Variants in CDC42BPB observed in about 807,000 individuals in gnomAD.
The protein encoded by CDC42BPB is serine/threonine-protein kinase MRCK beta.
A neutral mutation model predicts 214.9 loss-of-function variants in CDC42BPB; 37 were observed. The observed-to-expected ratio is 0.17, with a 90% CI of 0.13 to 0.23. CDC42BPB has a LOEUF of 0.23. CDC42BPB is among the 10% of genes least tolerant of loss of function. The probability of loss-of-function intolerance (pLI) is 1.00; values close to 1 mark genes in which losing one functional copy is unlikely to be tolerated. For synonymous variants in CDC42BPB, 931 were observed against 884.0 expected (o/e 1.05, Z -0.94); for missense variants, 1,694 against 2,227.0 (o/e 0.76, Z 4.82).
At chr14:102,962,248 A>C (rs924630605) in intron 20 of CDC42BPB, among the ~76,000 whole-genome samples, 19 of 152,242 alleles carry the variant, frequency 1.2e-4, no homozygotes, top group Admixed American at 1.2e-3. Flanking sequence ...GTCCGTCAGC[A>C]TGCAGCAAGA....
intron 4 of CDC42BPB, among the ~76,000 whole-genome samples, chr14:103,002,547 C>G (rs898222954): frequency 2.6e-5 from 4 of 152,202 alleles, no homozygotes; most frequent in Non-Finnish European, 5.9e-5. Context: ...CAGTTCTTAT[C>G]GAAAGTGGAA....
chr14:102,947,669 C>T (rs1285475749), intron 27 of CDC42BPB, 52 bp downstream of exon 27: 2 of 1,459,346 alleles, frequency 1.4e-6, no homozygotes, highest in African/African-American at 1.4e-5. Flanking sequence ...ATGCCTAGAA[C>T]AATCAGTTTT....
Position 102,944,102 on chromosome 14 carries a change from G to A in CDC42BPB, c.4197C>T (p.Ile1399=). 6.2e-7 allele frequency: 1 copy of A among 1,613,400 alleles called. No homozygotes were observed. Among genetic ancestry groups the A allele is most frequent in the Non-Finnish European group, 8.5e-7 (1 of 1,180,012 alleles). ...GGTTTAGAGGCTGCCCGTCCCCCTG[G>A]ATGCTCAGCAGGCAGAACCCAGAAG... is the stretch of plus-strand genomic sequence containing the variant. ...GYPSGFCLLS[I]QGDGQPLNLV... is the part of the protein sequence containing the mutation. Residue 1399 remains isoleucine (I), a synonymous_variant, in exon 30 of 37, where the codon ATC becomes ATT. Transcript: ENST00000361246. The surrounding 1 kb of genome is among the most constrained non-coding windows in gnomAD (Gnocchi z 6.6).
At chr14:102,966,600 C>T (rs776499305) in intron 17 of CDC42BPB, 11 of 756,414 alleles carry the variant, frequency 1.5e-5, no homozygotes, top group Admixed American at 6.3e-5. Context: ...ACCAAACTTC[C>T]AAGACTCAAG....
intron 1 of CDC42BPB, among the ~76,000 whole-genome samples, chr14:103,043,565 G>C (rs1888127218): frequency 6.6e-6 from 1 of 152,136 alleles, no homozygotes; most frequent in African/African-American, 2.4e-5. Context: ...TCCTTTGGCG[G>C]TGATGGCGAA....
At chr14:103,056,954 G>C (rs970711116) in intron 1 of CDC42BPB, 45 bp downstream of exon 1, 2 of 1,283,174 alleles carry the variant, frequency 1.6e-6, no homozygotes, top group African/African-American at 3.1e-5. Flanking sequence ...GCTGGGGCGC[G>C]GGGGTCGCAG....
Position 102,968,300 on chromosome 14 carries a change from C to T in CDC42BPB, c.2299G>A (p.Ala767Thr). 2 of 1,614,066 alleles carry T rather than the reference C, an allele frequency of 1.2e-6. No individual in the cohort carries two copies. Among genetic ancestry groups the T allele is most frequent in the Non-Finnish European group, 1.7e-6 (2 of 1,180,006 alleles). Residue 767 changes from alanine to threonine, a missense_variant, in exon 16 of 37, where the codon GCG (alanine) becomes ACG (threonine). Physicochemically the swap from Ala to Thr is moderately conservative, Grantham distance 58 (BLOSUM62 0). This residue lies in a region of CDC42BPB where 462 missense variants were observed against 513.5 expected (regional missense o/e 0.90). Transcript: ENST00000361246. ...TIKDKYERER[A>T]MLFDENKKLT... ...TTCTTGTTTTCATCAAACAGCATCG[C>T]TCTTTCTCGTTCGTATTTATCTTTT... is the stretch of plus-strand genomic sequence containing the variant.
intron 1 of CDC42BPB, among the ~76,000 whole-genome samples, chr14:103,036,475 G>A (rs2139727425): frequency 6.6e-6 from 1 of 152,146 alleles, no homozygotes; most frequent in Middle Eastern, 3.4e-3. Context: ...TTAAACACAA[G>A]ACTGAAAGCT....
chr14:102,971,718 GCAC>G (rs1037746954), intron 13 of CDC42BPB, among the ~76,000 whole-genome samples, 198 bp downstream of exon 13: 3 of 152,206 alleles, frequency 2.0e-5, no homozygotes, highest in African/African-American at 7.2e-5. Flanking sequence ...AAGAAAATCA[GCAC>G]CACAAGAACC....
At chr14:103,006,248 C>T (rs1038988750) in intron 3 of CDC42BPB, among the ~76,000 whole-genome samples, 8 of 152,214 alleles carry the variant, frequency 5.3e-5, no homozygotes, top group African/African-American at 7.2e-5. Flanking sequence ...TTCCAGAACG[C>T]GCCCCCAAAA....
intron 5 of CDC42BPB, among the ~76,000 whole-genome samples, chr14:102,987,478 G>A (rs1566883801): frequency 1.3e-5 from 2 of 152,146 alleles, no homozygotes; most frequent in Non-Finnish European, 2.9e-5. Flanking sequence ...ACAGCCAAAA[G>A]GCAGAAACAA....
chr14:102,994,513 A>C (rs1283207094), intron 5 of CDC42BPB, among the ~76,000 whole-genome samples: 1 of 152,084 alleles, frequency 6.6e-6, no homozygotes, highest in Non-Finnish European at 1.5e-5. Context: ...CAACTGAGAG[A>C]GCTGACGGTC....
chr14:102,978,351 G>C (rs1284609720), intron 8 of CDC42BPB, 146 bp from the exon 9 acceptor site: 21 of 1,481,144 alleles, frequency 1.4e-5, no homozygotes, highest in Non-Finnish European at 1.1e-5. Context: ...GTCCTCTGCA[G>C]GGGAGATGAG....
At chr14:102,981,099 C>G in intron 7 of CDC42BPB, 78 bp from the exon 8 acceptor site, 1 of 1,581,932 alleles carries the variant, frequency 6.3e-7, no homozygotes, top group South Asian at 1.2e-5. Flanking sequence ...TGATAGGAAA[C>G]AAAGTAGAAA....
intron 1 of CDC42BPB, among the ~76,000 whole-genome samples, chr14:103,018,678 G>A (rs1350847324): frequency 6.6e-6 from 1 of 152,208 alleles, no homozygotes; most frequent in Non-Finnish European, 1.5e-5. Context: ...TTGGGGTGAG[G>A]AGGGGAGTAG....
At chr14:102,954,386 A>C in intron 22 of CDC42BPB, 111 bp from the exon 23 acceptor site, 1 of 1,444,332 alleles carries the variant, frequency 6.9e-7, no homozygotes, top group South Asian at 1.5e-5. Context: ...ACAGTTCTGC[A>C]TTTTTAATTT....
chr14:102,979,853 T>C (rs1042024816), intron 8 of CDC42BPB, among the ~76,000 whole-genome samples: 2 of 152,166 alleles, frequency 1.3e-5, no homozygotes, highest in African/African-American at 4.8e-5. Context: ...AAAGAGGCCC[T>C]GTCAGAGCCG....
At chr14:102,990,619 G>A (rs570236432) in intron 5 of CDC42BPB, among the ~76,000 whole-genome samples, 1 of 152,304 alleles carries the variant, frequency 6.6e-6, no homozygotes, top group Admixed American at 6.5e-5. Context: ...GGGCCTAGAA[G>A]CAGGCAACCC....
At chr14:103,018,148 G>T (rs1048042219) in intron 1 of CDC42BPB, among the ~76,000 whole-genome samples, 5 of 152,162 alleles carry the variant, frequency 3.3e-5, no homozygotes. Context: ...GTGCTCCTAT[G>T]AGAATCTAAT....
Sources: allele counts gnomAD v4.1 joint callset (sites outside exome capture counted in the v4.1 genomes callset), GRCh38; gene constraint gnomAD v4.1.1; regional missense constraint gnomAD v4.1.1; non-coding constraint Gnocchi (gnomAD v3.1); transcripts MANE v1.5; gene names NCBI Gene and HGNC (gene_info 2026-07-23, HGNC 2026-07-21).